Variants in YWHAZ observed in about 807,000 individuals in gnomAD.
YWHAZ encodes tyrosine 3-monooxygenase/tryptophan 5-monooxygenase activation protein zeta, also known as 14-3-3 protein zeta/delta.
For synonymous variants in YWHAZ, 87 were observed against 103.6 expected (o/e 0.84, Z 0.97); for missense variants, 79 against 284.8 (o/e 0.28, Z 5.20).
chr8:100,931,223 C>T (rs1054041980), intron 2 of YWHAZ, among the ~76,000 whole-genome samples: 1 of 152,170 alleles, frequency 6.6e-6, no homozygotes, highest in Non-Finnish European at 1.5e-5. Flanking sequence ...GATGTTTTGT[C>T]TTTAAAATTA....
At chr8:100,929,051 C>T (rs559012073) in intron 2 of YWHAZ, among the ~76,000 whole-genome samples, 3 of 152,060 alleles carry the variant, frequency 2.0e-5, no homozygotes, top group Non-Finnish European at 2.9e-5. Flanking sequence ...AGAGGAGATT[C>T]ATAAAGAAGA....
At chr8:100,947,433 G>A (rs954359363) in intron 2 of YWHAZ, among the ~76,000 whole-genome samples, 3 of 152,034 alleles carry the variant, frequency 2.0e-5, no homozygotes, top group African/African-American at 7.2e-5. Flanking sequence ...AATGCCCCAA[G>A]ACAGATGCCT....
chr8:100,952,246 C>A (rs943334889), upstream of YWHAZ: 62 of 750,536 alleles, frequency 8.3e-5, no homozygotes, highest in Non-Finnish European at 9.8e-5. Context: ...CGTCCTCGCC[C>A]GCAGCCGCCA....
rs1280220449 is a variant in YWHAZ at position 100,919,890 on chromosome 8, A to C, written c.*803T>G. 6.6e-6 allele frequency: 1 copy of C among 151,566 alleles called. No homozygotes were observed. Among genetic ancestry groups the C allele is most frequent in the African/African-American group, 2.4e-5 (1 of 41,172 alleles). The allele number at this position is 151,566 out of a possible 1,614,324, so 9.4% of individuals were successfully genotyped here. ...GTATCAAAAAAAAAAAAATCACAAA[A>C]GCAAAAATCCTAAAAAAAAGTTAAA... On this transcript the variant is annotated 3_prime_UTR_variant, in exon 6 of 6. Coordinates refer to ENST00000395958, the MANE Select transcript of YWHAZ (RefSeq NM_145690.3).
At chr8:100,951,216 C>G in intron 1 of YWHAZ, 3 of 984,984 alleles carry the variant, frequency 3.0e-6, no homozygotes, top group Non-Finnish European at 3.6e-6. Flanking sequence ...CGCCGGCGCG[C>G]AGCCTCGCCC....
chr8:100,951,483 C>T, intron 1 of YWHAZ: 1 of 984,836 alleles, frequency 1.0e-6, no homozygotes, highest in Non-Finnish European at 1.2e-6. Context: ...CCGCCGCCGC[C>T]GCCGCCGAGT....
chr8:100,923,686 A>G (rs1813178879), intron 5 of YWHAZ: 1 of 268,400 alleles, frequency 3.7e-6, no homozygotes, highest in South Asian at 1.0e-4. Flanking sequence ...TAAAACATGT[A>G]GAGTCTCAGC....
chr8:100,950,582 A>G (rs1810651860), intron 1 of YWHAZ: 2 of 985,180 alleles, frequency 2.0e-6, no homozygotes, highest in African/African-American at 1.7e-5. Context: ...AGGGAGCCCA[A>G]CCTACTGCAG....
At chr8:100,952,253 G>T, upstream of YWHAZ, 1 of 656,556 alleles carries the variant, frequency 1.5e-6, no homozygotes, top group Non-Finnish European at 1.9e-6. Context: ...GCCCGCAGCC[G>T]CCACTCCTCC....
intron 2 of YWHAZ, among the ~76,000 whole-genome samples, chr8:100,925,484 A>G (rs1219938538): frequency 6.6e-6 from 1 of 152,230 alleles, no homozygotes; most frequent in Non-Finnish European, 1.5e-5. Flanking sequence ...CAATAATGTA[A>G]GACACTTAAG....
chr8:100,950,915 C>T (rs1810701062), intron 1 of YWHAZ: 1 of 166,376 alleles, frequency 6.0e-6, no homozygotes, highest in African/African-American at 2.4e-5. Context: ...TCACCCGCCC[C>T]CAAAGCAGGA....
At chr8:100,925,114 A>C in intron 2 of YWHAZ, 75 bp from the exon 3 acceptor site, 3 of 1,467,224 alleles carry the variant, frequency 2.0e-6, no homozygotes, top group Non-Finnish European at 2.7e-6. Flanking sequence ...TTCTTAAAGA[A>C]CAAACTATAG....
In YWHAZ at chr8:100,935,879, G is replaced by T. The variant is rs184135224; in HGVS notation, c.295-10840C>A. On this transcript the variant is annotated intron_variant, in intron 2 of 5. Transcript: ENST00000395958. ...TTCAAAATCTCCCTTCCAATGCCAG[G>T]AAATCTCCTCTAACATAATGAATTT... is the stretch of plus-strand genomic sequence containing the variant. Among the ~76,000 whole-genome samples, 535 of 152,212 alleles carry T rather than the reference G, an allele frequency of 3.5e-3. 6 individuals are homozygous for T. The highest frequency in any genetic ancestry group is 0.012 in the African/African-American group (513 of 41,534).
At chr8:100,934,157 C>CA (rs35069019) in intron 2 of YWHAZ, among the ~76,000 whole-genome samples, 33,516 of 78,014 alleles carry the variant, frequency 0.43, 10,340 homozygotes, top group East Asian at 0.74. Context: ...AGACTCGTCT[C>CA]AAAAAAAAAA....
chr8:100,924,667 C>T lies in YWHAZ; in HGVS notation c.418+249G>A, dbSNP rs1334486574. Among the ~76,000 whole-genome samples the T allele has an allele frequency of 6.6e-6, 1 of 152,146 alleles. No homozygotes were observed. Among genetic ancestry groups the T allele is most frequent in the Non-Finnish European group, 1.5e-5 (1 of 68,030 alleles). The stretch of plus-strand genomic sequence containing the variant: ...ATATTTTTTGTAGAGAGAGATGTTG[C>T]TCAGGCTGGTCACTTTTCTTAAAAT... On this transcript the variant is annotated intron_variant, in intron 3 of 5. Coordinates refer to ENST00000395958, the MANE Select transcript of YWHAZ (RefSeq NM_145690.3). This position sits in a 1 kb window ranked among gnomAD's most constrained non-coding sequence, Gnocchi z 5.7.
At chr8:100,927,775 C>T (rs1430397597) in intron 2 of YWHAZ, among the ~76,000 whole-genome samples, 3 of 152,208 alleles carry the variant, frequency 2.0e-5, no homozygotes, top group African/African-American at 7.2e-5. Flanking sequence ...CTGAACTAAG[C>T]AGTTCCCTGG....
At chr8:100,939,453 A>G (rs1381692019) in intron 2 of YWHAZ, among the ~76,000 whole-genome samples, 2 of 152,036 alleles carry the variant, frequency 1.3e-5, no homozygotes, top group Admixed American at 1.3e-4. Context: ...TGAGGTCAGG[A>G]GTTCAAGACC....
chr8:100,948,354 T>A lies in YWHAZ; in HGVS notation c.294+242A>T, dbSNP rs2130360141. ...TATTTTCAATTAATATAAAATACAA[T>A]ACTAAAGTCTGTTATTTTTAACAAA... On this transcript the variant is annotated intron_variant, in intron 2 of 5. Transcript: ENST00000395958. This position sits in a 1 kb window ranked among gnomAD's most constrained non-coding sequence, Gnocchi z 4.2. Among the ~76,000 whole-genome samples, 1 of 152,348 alleles carries A rather than the reference T, an allele frequency of 6.6e-6. No individual in the cohort carries two copies. The highest frequency in any genetic ancestry group is 1.5e-5 in the Non-Finnish European group (1 of 68,022).
At chr8:100,951,487 GC>G in intron 1 of YWHAZ, 1 of 985,476 alleles carries the variant, frequency 1.0e-6, no homozygotes, top group Non-Finnish European at 1.2e-6. Flanking sequence ...CGCCGCCGCC[GC>G]CGAGTCATTA....
Sources: gnomAD v4.1 joint callset for allele counts (sites outside exome capture counted in the v4.1 genomes callset) on GRCh38, gnomAD v4.1.1 for gene constraint, Gnocchi (gnomAD v3.1) non-coding constraint, MANE v1.5 for transcripts, NCBI Gene and HGNC (gene_info 2026-07-23, HGNC 2026-07-21) for gene names.